Variants in CRYBG2 observed in about 807,000 individuals in gnomAD.
CRYBG2 encodes the protein beta/gamma crystallin domain-containing protein 2.
A neutral mutation model predicts 153.4 loss-of-function variants in CRYBG2; 106 were observed. The ratio of observed to expected loss-of-function variants is 0.69; its 90% CI spans 0.59 to 0.81. CRYBG2 has a LOEUF of 0.81. Ranked by LOEUF, CRYBG2 falls within the 30% of genes least tolerant of loss-of-function variation. CRYBG2 has a pLI of 0.00. For synonymous variants in CRYBG2, 851 were observed against 877.8 expected (o/e 0.97, Z 0.54); for missense variants, 1,996 against 2,112.0 (o/e 0.95, Z 1.08).
intron 5 of CRYBG2, 148 bp downstream of exon 5, chr1:26,342,606 C>T (rs2074144015): frequency 8.5e-7 from 1 of 1,173,546 alleles, no homozygotes. Context: ...CACATGTTGG[C>T]CAGGCTGGTC....
At position 26,323,968 on chromosome 1, in the gene CRYBG2, T is replaced by C. The variant is rs564347567; in HGVS notation, c.4737+184A>G. On this transcript the variant is annotated intron_variant, in intron 18 of 19. Coordinates refer to ENST00000308182, the MANE Select transcript of CRYBG2 (RefSeq NM_001039775.4). The stretch of plus-strand genomic sequence containing the variant: ...AGCACCCAGTTCATTGCTCTTGTTT[T>C]TACAGACTGGGGCCCAGAGAAGAGC... 3.9e-5 allele frequency among the ~76,000 whole-genome samples: 6 copies of C among 152,316 alleles called. No homozygotes were observed. In the South Asian group the frequency reaches 8.3e-4, roughly 21 times the overall value.
chr1:26,324,079 G>T (rs2073891541), intron 18 of CRYBG2, 73 bp downstream of exon 18: 1 of 1,510,628 alleles, frequency 6.6e-7, no homozygotes, highest in South Asian at 1.2e-5. Context: ...TCCTGATTGG[G>T]CTGGGACTCC....
Position 26,345,683 on chromosome 1 carries a change from G to A in CRYBG2, c.975C>T (p.Ala325=), listed in dbSNP as rs371679069. The change falls in exon 2 of 20, where the codon GCC becomes GCT. Residue 325 remains alanine (A), a synonymous_variant. Coordinates refer to ENST00000308182, the MANE Select transcript of CRYBG2 (RefSeq NM_001039775.4). ...RDQGRAPDAR[A]CELWQVLGAP... ...CTCCCAGCACCTGCCAGAGCTCACA[G>A]GCCCTGGCATCCGGGGCTCTGCCCT... The A allele has an allele frequency of 1.1e-4, 180 of 1,598,534 alleles. No individual in the cohort carries two copies. In the African/African-American group the frequency reaches 2.2e-3, roughly 19 times the overall value.
rs376131032 is a variant in CRYBG2, at chr1:26,345,800, T to C, written c.858A>G (p.Lys286=). 12 of 1,596,550 alleles carry C rather than the reference T, an allele frequency of 7.5e-6. No individual in the cohort carries two copies. Among genetic ancestry groups the C allele is most frequent in the Middle Eastern group, 1.6e-4 (1 of 6,078 alleles). Residue 286 remains lysine, a synonymous_variant, in exon 2 of 20, where the codon AAA becomes AAG. Transcript: ENST00000308182. ...QLPETGTAEL[K]DSSALASTGI... ...CTGTAGAGGCCAGGGCAGAGCTGTC[T>C]TTAAGCTCTGCTGTCCCGGTCTCAG...
intron 1 of CRYBG2, among the ~76,000 whole-genome samples, chr1:26,349,356 G>A (rs2074262404): frequency 6.6e-6 from 1 of 152,030 alleles, no homozygotes; most frequent in African/African-American, 2.4e-5. Flanking sequence ...AGGTTGTCAA[G>A]CAGGGATTTA....
chr1:26,345,202 C>T lies in CRYBG2; in HGVS notation c.1456G>A (p.Ala486Thr), dbSNP rs1466591882. The change falls in exon 2 of 20, where the codon GCT becomes ACT. Residue 486 changes from alanine to threonine, a missense_variant. By Grantham distance (58) the Ala-to-Thr change is moderately conservative. Coordinates refer to ENST00000308182, the MANE Select transcript of CRYBG2 (RefSeq NM_001039775.4). ...TRKEVVQGSS[A>T]SAASSPTWKE... ...CAGGTGGGGGACGAGGCAGCAGAAG[C>T]ACTGGACCCCTGCACCACCTCCTTC... 6.9e-7 allele frequency: 1 copy of T among 1,448,356 alleles called. No individual in the cohort carries two copies. The highest frequency in any genetic ancestry group is 9.3e-7 in the Non-Finnish European group (1 of 1,071,738). The allele number at this position is 1,448,356 out of a possible 1,614,324, so 89.7% of individuals were successfully genotyped here. A position where few individuals can be genotyped will look rare whatever the true frequency, so the allele number is the denominator to read the frequency against.
Position 26,329,467 on chromosome 1 carries a change from T to G in CRYBG2, c.4315-594A>C, listed in dbSNP as rs111298657. The stretch of plus-strand genomic sequence containing the variant: ...CTGGGATTACAGGGGTGAGCCACCA[T>G]GCGCAGCTTAGATTTTTTTTTTTTT... On this transcript the variant is annotated intron_variant, in intron 15 of 19. Transcript: ENST00000308182. Among the ~76,000 whole-genome samples the G allele has an allele frequency of 7.4e-3, 1,092 of 147,406 alleles. 5 individuals carry two copies. Among genetic ancestry groups the G allele is most frequent in the Non-Finnish European group, 0.012 (788 of 67,164 alleles).
chr1:26,334,097 T>C (rs2074027605), intron 14 of CRYBG2, among the ~76,000 whole-genome samples: 1 of 152,088 alleles, frequency 6.6e-6, no homozygotes, highest in South Asian at 2.1e-4. Context: ...CATGAGCCAC[T>C]GTGCCCAGCT....
chr1:26,344,488 C>A lies in CRYBG2; in HGVS notation c.2170G>T (p.Ala724Ser). Residue 724 changes from alanine (A) to serine (S), a missense_variant, in exon 2 of 20, where the codon GCC becomes TCC. Transcript: ENST00000308182. The part of the protein sequence containing the change: ...RVSPSPGGTP[A>S]PVPTGAEAST... ...GCCTCTGCTCCTGTTGGCACTGGGG[C>A]AGGGGTGCCTCCTGGGCTGGGGGAC... is the stretch of plus-strand genomic sequence containing the variant. 1 of 1,543,304 alleles carries A rather than the reference C, an allele frequency of 6.5e-7. No individual in the cohort carries two copies. The highest frequency in any genetic ancestry group is 2.4e-5 in the East Asian group (1 of 40,866).
rs1221164456 is a variant in CRYBG2, at chr1:26,336,062, C to A, written c.4184+33G>T. The A allele has an allele frequency of 2.6e-5, 37 of 1,412,726 alleles. No homozygotes were observed. Among genetic ancestry groups the A allele is most frequent in the Non-Finnish European group, 3.4e-5 (36 of 1,066,410 alleles). The allele number at this position is 1,412,726 out of a possible 1,614,324, so 87.5% of individuals were successfully genotyped here. A position where few individuals can be genotyped will look rare whatever the true frequency, so the allele number is the denominator to read the frequency against. ...TCCTGCAGCCCCGCCTCTGCCCCAG[C>A]GCCCCCAGCCCTCCGCCCCTCCACG... On this transcript the variant is annotated intron_variant, in intron 14 of 19. Transcript: ENST00000308182. The surrounding 1 kb of genome is among the most constrained non-coding windows in gnomAD (Gnocchi z 4.9).
At chr1:26,339,741 C>CAA (rs35587689) in intron 5 of CRYBG2, among the ~76,000 whole-genome samples, 30 of 143,102 alleles carry the variant, frequency 2.1e-4, no homozygotes, top group South Asian at 2.3e-4. Context: ...CGTCTCAAAA[C>CAA]AAAAAAAAAA....
At chr1:26,348,548 G>A (rs1029940588) in intron 1 of CRYBG2, among the ~76,000 whole-genome samples, 3 of 151,814 alleles carry the variant, frequency 2.0e-5, no homozygotes, top group Non-Finnish European at 2.9e-5. Flanking sequence ...AGATCTTATC[G>A]CTAAGAAAAG....
Position 26,346,210 on chromosome 1 carries a change from GC to G in CRYBG2, c.447del (p.Arg151GlufsTer9). 1 of 1,572,734 alleles carries G rather than the reference GC, an allele frequency of 6.4e-7. No individual in the cohort carries two copies. The highest frequency in any genetic ancestry group is 8.6e-7 in the Non-Finnish European group (1 of 1,165,958). On this transcript the variant is annotated frameshift_variant, in exon 2 of 20. Coordinates refer to ENST00000308182, the MANE Select transcript of CRYBG2 (RefSeq NM_001039775.4). LOFTEE classifies it high-confidence loss of function. The surrounding 1 kb of genome is among the most constrained non-coding windows in gnomAD (Gnocchi z 4.9). ...ARTELLVPLP[G>X]PREPSPHPGV... is the part of the protein sequence containing the mutation. ...CCTGGGTGGGGACTTGGCTCTCGGG[GC>G]CCAGGCAGGGGAACCAAAAGCTCAG...
chr1:26,330,208 A>G (rs146136122), intron 15 of CRYBG2, among the ~76,000 whole-genome samples: 1 of 152,350 alleles, frequency 6.6e-6, no homozygotes, highest in African/African-American at 2.4e-5. Flanking sequence ...TGATCTCATT[A>G]TAACTCTTCA....
chr1:26,328,297 C>A lies in CRYBG2; in HGVS notation c.4490G>T (p.Arg1497Leu), dbSNP rs142164821. The change falls in exon 17 of 20, where the codon CGC becomes CTC. Residue 1497 changes from arginine to leucine, a missense_variant. Arg to Leu is a moderately radical substitution (Grantham distance 102). Transcript: ENST00000308182. The stretch of plus-strand genomic sequence containing the variant: ...CTCGCAGCTTCCCACCAGCCACTGG[C>A]GGCCCCGGAAGTCACTGTGTTCACA... ...VLCEHSDFRG[R>L]QWLVGSCEIT... The A allele has an allele frequency of 3.8e-5, 60 of 1,571,126 alleles. No homozygotes were observed. The African/African-American group carries it at 6.8e-4, about 18-fold the overall frequency.
At chr1:26,348,749 T>A (rs1467606518) in intron 1 of CRYBG2, among the ~76,000 whole-genome samples, 1 of 151,736 alleles carries the variant, frequency 6.6e-6, no homozygotes, top group Non-Finnish European at 1.5e-5. Flanking sequence ...AGAGATGGGG[T>A]TTCACTATGT....
At chr1:26,337,217 C>T in intron 10 of CRYBG2, 36 bp downstream of exon 10, 1 of 1,612,272 alleles carries the variant, frequency 6.2e-7, no homozygotes. Flanking sequence ...TGGCTGTGGC[C>T]AGAGGCAGAG....
rs1310459981 is a variant in CRYBG2 at position 26,343,425 on chromosome 1, G to A, written c.2914-132C>T. Reference sequence around the variant, plus strand: ...CGCAAGGAGCTGGCGCATAGAGGATGCTCACACTTGTTCCCAACCCCCAAG... The same window carrying A: ...CGCAAGGAGCTGGCGCATAGAGGATACTCACACTTGTTCCCAACCCCCAAG... On this transcript the variant is annotated intron_variant, in intron 2 of 19. Coordinates refer to ENST00000308182, the MANE Select transcript of CRYBG2 (RefSeq NM_001039775.4). This position sits in a 1 kb window ranked among gnomAD's most constrained non-coding sequence, Gnocchi z 4.1. 3 of 1,133,670 alleles carry A rather than the reference G, an allele frequency of 2.6e-6. No individual in the cohort carries two copies. Among genetic ancestry groups the A allele is most frequent in the Middle Eastern group, 2.7e-4 (1 of 3,702 alleles). The allele number at this position is 1,133,670 out of a possible 1,614,324, so 70.2% of individuals were successfully genotyped here.
chr1:26,343,693 T>C lies in CRYBG2; in HGVS notation c.2913+52A>G, dbSNP rs2074161298. 1 of 1,437,734 alleles carries C rather than the reference T, an allele frequency of 7.0e-7. No individual in the cohort carries two copies. The highest frequency in any genetic ancestry group is 1.6e-5 in the South Asian group (1 of 63,940). The allele number at this position is 1,437,734 out of a possible 1,614,324, so 89.1% of individuals were successfully genotyped here. ...CCACTCTCTTCACACCACTCAAGCC[T>C]TGACCCAGGTGAGGCCAGGCACCTC... On this transcript the variant is annotated intron_variant, in intron 2 of 19. Coordinates refer to ENST00000308182, the MANE Select transcript of CRYBG2 (RefSeq NM_001039775.4). The surrounding 1 kb of genome is among the most constrained non-coding windows in gnomAD (Gnocchi z 4.1).
Sources: allele counts gnomAD v4.1 joint callset (sites outside exome capture counted in the v4.1 genomes callset), GRCh38; gene constraint gnomAD v4.1.1; non-coding constraint Gnocchi (gnomAD v3.1); transcripts MANE v1.5; gene names NCBI Gene and HGNC (gene_info 2026-07-23, HGNC 2026-07-21).